Variants in DPH1 observed in about 807,000 individuals in gnomAD.
DPH1 encodes 2-(3-amino-3-carboxypropyl)histidine synthase subunit 1.
Under a neutral mutation model 55.3 loss-of-function variants are expected in DPH1, and 59 were observed. The observed-to-expected ratio is 1.07, with a 90% CI of 0.87 to 1.33. The LOEUF is 1.33. Ranked by LOEUF, DPH1 falls within the 40% of genes most tolerant of loss-of-function variation. DPH1 has a pLI of 0.00. For synonymous variants in DPH1, 238 were observed against 235.5 expected, an observed-to-expected ratio of 1.01 and a Z score of -0.10; for missense variants, 628 against 584.8, an observed-to-expected ratio of 1.07 and a Z score of -0.76.
rs777425510 is a variant in DPH1, at chr17:2,033,651, A to G, written c.208A>G (p.Lys70Glu). 1.2e-6 allele frequency: 2 copies of G among 1,614,114 alleles called. No individual in the cohort carries two copies. The highest frequency in any genetic ancestry group is 3.3e-5 in the Admixed American group (2 of 60,016). ...CTGGAGGATCCAACAAGCCCAGGCC[A>G]AGAAGGGTGAGCCTGTGATCATTGA... ...TIWRIQQAQA[K>E]KVALQMPEGL... Residue 70 changes from lysine to glutamate, a missense_variant, in exon 2 of 13, where the codon AAG becomes GAG. Coordinates refer to ENST00000263083, the MANE Select transcript of DPH1 (RefSeq NM_001383.6).
intron 3 of DPH1, among the ~76,000 whole-genome samples, chr17:2,035,430 A>AGAGGGCCCTGCCTGTGGTGGGGAGGGGGT (rs2067402362): frequency 1.7e-4 from 6 of 36,016 alleles, no homozygotes; most frequent in Admixed American, 4.7e-4. Context: ...GGTCCGGACG[A>AGAGGGCCCTGCCTGTGGTGGGGAGGGGGT]GAGGGCCCTG....
intron 12 of DPH1, chr17:2,042,181 C>T (rs1463550931): frequency 2.1e-6 from 3 of 1,441,610 alleles, no homozygotes; most frequent in East Asian, 2.8e-5. Context: ...CTCAGCGGCC[C>T]GCACCCGGTC....
chr17:2,041,903 C>A (rs1472787484), intron 12 of DPH1, 28 bp downstream of exon 12: 20 of 1,546,072 alleles, frequency 1.3e-5, no homozygotes, highest in Non-Finnish European at 1.4e-5. Context: ...GGGTGCGCCC[C>A]GCCTTTTGCC....
chr17:2,033,909 G>C (rs76946443), intron 3 of DPH1, 67 bp downstream of exon 3: 123,830 of 1,583,578 alleles, frequency 0.078, 5,582 homozygotes, highest in South Asian at 0.098. Flanking sequence ...TCATTACCCG[G>C]GTGGGTAAAG....
chr17:2,040,092 C>T lies in DPH1; in HGVS notation c.750-126C>T, dbSNP rs1018778561. On this transcript the variant is annotated intron_variant, in intron 7 of 12. Coordinates refer to ENST00000263083, the MANE Select transcript of DPH1 (RefSeq NM_001383.6). ...TCCTAATGACAGTCCCCGCTCTTGC[C>T]TCTGTTCTTAATTACCTGCGTGGGG... 46 of 1,367,852 alleles carry T rather than the reference C, an allele frequency of 3.4e-5. 2 individuals are homozygous for T. In the South Asian group the frequency reaches 5.9e-4, roughly 18 times the overall value. The allele number at this position is 1,367,852 out of a possible 1,614,324, so 84.7% of individuals were successfully genotyped here. A position where few individuals can be genotyped will look rare whatever the true frequency, so the allele number is the denominator to read the frequency against.
At position 2,040,257 on chromosome 17, in the gene DPH1, T is replaced by A; in HGVS notation, c.789T>A (p.Tyr263Ter). 1 of 1,614,120 alleles carries A rather than the reference T, an allele frequency of 6.2e-7. No homozygotes were observed. Among genetic ancestry groups the A allele is most frequent in the South Asian group, 1.1e-5 (1 of 91,084 alleles). The change falls in exon 8 of 13, where the codon TAT becomes TAA. Residue 263 changes from tyrosine (Y) to a stop codon, truncating the protein, a stop_gained. Transcript: ENST00000263083. LOFTEE classifies it high-confidence loss of function. ...PYSKVLSREH[Y>*]DHQRMQAARQ... is the part of the protein sequence containing the mutation. ...GCAAAGTCCTATCCAGAGAACACTA[T>A]GACCACCAGCGCATGCAGGCTGCTC...
intron 1 of DPH1, among the ~76,000 whole-genome samples, chr17:2,033,175 G>C (rs1262094803): frequency 6.6e-6 from 1 of 152,140 alleles, no homozygotes; most frequent in Non-Finnish European, 1.5e-5. Context: ...TTTTTCACCT[G>C]GTGGGGGGGT....
intron 3 of DPH1, among the ~76,000 whole-genome samples, chr17:2,034,072 G>C (rs1430030064): frequency 6.6e-6 from 1 of 151,888 alleles, no homozygotes; most frequent in African/African-American, 2.4e-5. Flanking sequence ...TAAACATTTG[G>C]GACAGAGAAA....
rs1180186637 is a variant in DPH1 at position 2,032,804 on chromosome 17, C to G, written c.62-701C>G. ...TGTTGCCCAGGCTGGAGTGCAGCGGCGTGATCTCGGCTCACTGCAAGCTCC... is the reference window on the plus strand; with the variant it reads ...TGTTGCCCAGGCTGGAGTGCAGCGGGGTGATCTCGGCTCACTGCAAGCTCC... On this transcript the variant is annotated intron_variant, in intron 1 of 12. Coordinates refer to ENST00000263083, the MANE Select transcript of DPH1 (RefSeq NM_001383.6). Among the ~76,000 whole-genome samples, 6 of 152,196 alleles carry G rather than the reference C, an allele frequency of 3.9e-5. No homozygotes were observed. In the East Asian group the frequency reaches 1.2e-3, roughly 29 times the overall value.
chr17:2,041,976 C>T (rs887892599), intron 12 of DPH1, 101 bp downstream of exon 12: 156 of 1,498,982 alleles, frequency 1.0e-4, no homozygotes, highest in Non-Finnish European at 1.3e-4. Flanking sequence ...ACGTTCGGTT[C>T]CGCCCCGTGC....
chr17:2,036,451 G>T lies in DPH1; in HGVS notation c.401-78G>T. 1.3e-6 allele frequency: 2 copies of T among 1,568,658 alleles called. No individual in the cohort carries two copies. Among genetic ancestry groups the T allele is most frequent in the Admixed American group, 1.7e-5 (1 of 58,250 alleles). ...CAGGCTGAAGCCACTGCGCCTGGCT[G>T]CTCAGAGACCTGAGCCTGGCCGGGC... On this transcript the variant is annotated intron_variant, in intron 4 of 12. Transcript: ENST00000263083. The surrounding 1 kb of genome is among the most constrained non-coding windows in gnomAD (Gnocchi z 4.8).
rs762085995 is a variant in DPH1 at position 2,042,988 on chromosome 17, C to G, written c.*402C>G. Reference sequence around the variant, plus strand: ...CATCCCCTCTCAGGAGAGTGTGCAACTGGCCAGCCAATTTCCCGGAGCCAT... The same window carrying G: ...CATCCCCTCTCAGGAGAGTGTGCAAGTGGCCAGCCAATTTCCCGGAGCCAT... On this transcript the variant is annotated 3_prime_UTR_variant, in exon 13 of 13. Coordinates refer to ENST00000263083, the MANE Select transcript of DPH1 (RefSeq NM_001383.6). The G allele has an allele frequency of 1.9e-6, 3 of 1,614,016 alleles. No homozygotes were observed. The highest frequency in any genetic ancestry group is 2.5e-6 in the Non-Finnish European group (3 of 1,180,036).
intron 1 of DPH1, 96 bp from the exon 2 acceptor site, chr17:2,033,409 G>C (rs763699242): frequency 6.3e-7 from 1 of 1,584,562 alleles, no homozygotes; most frequent in Non-Finnish European, 8.6e-7. Flanking sequence ...ATGCTTGAGC[G>C]GGGGCACCGG....
chr17:2,038,481 G>A (rs1438319507), intron 6 of DPH1, among the ~76,000 whole-genome samples: 2 of 152,144 alleles, frequency 1.3e-5, no homozygotes, highest in African/African-American at 2.4e-5. Context: ...GAAACCTGCC[G>A]CACAGTAGAA....
chr17:2,030,400 C>A (rs1014134595), intron 1 of DPH1, among the ~76,000 whole-genome samples, 170 bp downstream of exon 1: 11 of 152,236 alleles, frequency 7.2e-5, no homozygotes, highest in African/African-American at 2.7e-4. Context: ...AGCCGGAGCC[C>A]AGGGGTACCA....
In DPH1 at chr17:2,033,770, G is replaced by A. The variant is rs778601097; in HGVS notation, c.215-9G>A. 3.2e-5 allele frequency: 51 copies of A among 1,614,062 alleles called. No homozygotes were observed. Among genetic ancestry groups the A allele is most frequent in the Admixed American group, 5.0e-5 (3 of 60,010 alleles). On this transcript the variant is annotated splice_polypyrimidine_tract_variant and intron_variant, in intron 2 of 12. Coordinates refer to ENST00000263083, the MANE Select transcript of DPH1 (RefSeq NM_001383.6). ...CCCTCCACCTCTCATGTCTCTGCTC[G>A]TCTTGCAGTGGCCTTGCAAATGCCG...
chr17:2,037,133 C>G (rs201996686), intron 6 of DPH1, 177 bp downstream of exon 6: 14 of 881,362 alleles, frequency 1.6e-5, no homozygotes, highest in African/African-American at 3.4e-5. Context: ...CTGTCGCTTT[C>G]TCCACTGCCC....
intron 1 of DPH1, among the ~76,000 whole-genome samples, chr17:2,032,523 G>C (rs1324181488): frequency 2.0e-5 from 3 of 152,188 alleles, no homozygotes; most frequent in Non-Finnish European, 4.4e-5. Flanking sequence ...TTGGTGTCTG[G>C]ATCTGGCCCT....
chr17:2,036,749 C>T lies in DPH1; in HGVS notation c.558+63C>T, dbSNP rs1288076968. The T allele has an allele frequency of 1.7e-5, 27 of 1,607,858 alleles. No homozygotes were observed. The highest frequency in any genetic ancestry group is 5.3e-5 in the African/African-American group (4 of 74,818). On this transcript the variant is annotated intron_variant, in intron 5 of 12. Transcript: ENST00000263083. The surrounding 1 kb of genome is among the most constrained non-coding windows in gnomAD (Gnocchi z 4.8). ...GACAGCGGCCACTCTCCAGCTGTTG[C>T]GGGATCCCCAGGTGCTCCAGGCTGT...
Sources: allele counts gnomAD v4.1 joint callset (sites outside exome capture counted in the v4.1 genomes callset), GRCh38; gene constraint gnomAD v4.1.1; non-coding constraint Gnocchi (gnomAD v3.1); transcripts MANE v1.5; gene names NCBI Gene and HGNC (gene_info 2026-07-23, HGNC 2026-07-21).